STIM1: variants seen among roughly 807,000 people sequenced by gnomAD.
The protein encoded by STIM1 is stromal interaction molecule 1.
In STIM1, 25 loss-of-function variants were observed where a neutral mutation model predicts 74.7. The ratio of observed to expected loss-of-function variants is 0.33; its 90% confidence interval spans 0.24 to 0.47. The LOEUF (loss-of-function observed/expected upper bound fraction) is 0.47, where lower values mean the gene tolerates loss of function less well. Among genes scored for constraint, STIM1 ranks in the 20% least tolerant of loss-of-function variants. STIM1 has a pLI of 1.00. For missense variants in STIM1, 728 were observed against 920.8 expected (o/e 0.79, Z 2.71); for synonymous variants, 328 against 348.8 (o/e 0.94, Z 0.66).
intron 3 of STIM1, among the ~76,000 whole-genome samples, chr11:4,033,034 A>G (rs958169256): frequency 2.0e-5 from 3 of 152,050 alleles, no homozygotes; most frequent in Admixed American, 6.5e-5. Context: ...TGATTTTTGT[A>G]TAAGGTGTAA....
At chr11:3,983,527 G>C (rs2093527559) in intron 2 of STIM1, among the ~76,000 whole-genome samples, 1 of 152,144 alleles carries the variant, frequency 6.6e-6, no homozygotes, top group Non-Finnish European at 1.5e-5. Context: ...GGACAACCCT[G>C]GTGGCAATTC....
At chr11:4,059,185 G>C (rs2094312870) in intron 4 of STIM1, 96 bp from the exon 5 acceptor site, 4 of 1,085,016 alleles carry the variant, frequency 3.7e-6, no homozygotes, top group Non-Finnish European at 4.2e-6. Context: ...CAATCACCAA[G>C]AGCTAGAAGT....
At position 4,091,657 on chromosome 11, in the gene STIM1, C is replaced by G; in HGVS notation, c.2010C>G (p.Ser670Arg). The change falls in exon 13 of 13, where the codon AGC becomes AGG. Residue 670 changes from serine (S) to arginine (R), a missense_variant. By Grantham distance (110) the Ser-to-Arg change is moderately radical. This residue lies in a region of STIM1 where 352 missense variants were observed against 370.1 expected (regional missense o/e 0.95). Coordinates refer to ENST00000526596, the MANE Select transcript of STIM1 (RefSeq NM_001382567.1). ...PVGDSRALQA[S>R]RNTRIPHLAG... ...GGGACAGCCGAGCCCTGCAAGCCAG[C>G]CGAAACACACGCATTCCCCACCTGG... The G allele has an allele frequency of 6.2e-7, 1 of 1,614,232 alleles. No homozygotes were observed. The highest frequency in any genetic ancestry group is 1.1e-5 in the South Asian group (1 of 91,086).
chr11:4,053,539 C>T (rs1470625946), intron 3 of STIM1, among the ~76,000 whole-genome samples: 1 of 149,134 alleles, frequency 6.7e-6, no homozygotes, highest in Non-Finnish European at 1.5e-5. Flanking sequence ...AGTGAGAACA[C>T]TTGGACACAG....
chr11:4,058,310 T>C (rs1217815011), intron 4 of STIM1, among the ~76,000 whole-genome samples: 1 of 152,164 alleles, frequency 6.6e-6, no homozygotes, highest in Non-Finnish European at 1.5e-5. Flanking sequence ...CCACACCCCA[T>C]CACAGTGCCT....
intron 1 of STIM1, among the ~76,000 whole-genome samples, chr11:3,915,687 G>A (rs559980403): frequency 6.6e-6 from 1 of 152,176 alleles, no homozygotes; most frequent in South Asian, 2.1e-4. Flanking sequence ...ATGAGCCACC[G>A]TGCCCGGCCT....
chr11:3,920,945 G>A (rs1490478145), intron 1 of STIM1, among the ~76,000 whole-genome samples: 2 of 151,862 alleles, frequency 1.3e-5, no homozygotes, highest in Non-Finnish European at 2.9e-5. Context: ...ATAGGCACCC[G>A]CCACTACGCA....
chr11:3,864,591 A>G (rs2090778543), intron 1 of STIM1, among the ~76,000 whole-genome samples: 1 of 152,180 alleles, frequency 6.6e-6, no homozygotes, highest in African/African-American at 2.4e-5. Context: ...CCTAAGATAG[A>G]TACCTCCATC....
In STIM1 at chr11:3,860,274, G is replaced by A. The variant is rs138962135; in HGVS notation, c.139+3865G>A. On this transcript the variant is annotated intron_variant, in intron 1 of 12. Transcript: ENST00000526596. ...CTTTTTTAGAGCTTACTATATGTCA[G>A]GCACTATTTAAACATTTTGTTTTAT... Among the ~76,000 whole-genome samples, 443 of 152,240 alleles carry A rather than the reference G, an allele frequency of 2.9e-3. 2 individuals carry two copies. The highest frequency in any genetic ancestry group is 0.01 in the African/African-American group (418 of 41,520).
intron 2 of STIM1, among the ~76,000 whole-genome samples, chr11:3,990,562 T>C (rs2093600954): frequency 6.6e-6 from 1 of 152,238 alleles, no homozygotes; most frequent in Non-Finnish European, 1.5e-5. Context: ...TTTACATTCC[T>C]GCCAGCAGTG....
rs113455225 is a variant in STIM1 at position 3,994,489 on chromosome 11, C to T, written c.270+26807C>T. On this transcript the variant is annotated intron_variant, in intron 2 of 12. Coordinates refer to ENST00000526596, the MANE Select transcript of STIM1 (RefSeq NM_001382567.1). The stretch of plus-strand genomic sequence containing the variant: ...TTTTTTTTTTTTTTTGAGACATAGT[C>T]TCACTCTGTCACCCAGGCTGGAGTA... 8.9e-3 allele frequency among the ~76,000 whole-genome samples: 1,138 copies of T among 128,102 alleles called. 15 individuals carry two copies. The highest frequency in any genetic ancestry group is 0.032 in the African/African-American group (1,084 of 34,264). 84.0% of individuals were successfully genotyped at this position (128,102 alleles called of 152,430 possible).
intron 2 of STIM1, among the ~76,000 whole-genome samples, chr11:3,987,088 G>A (rs2093564609): frequency 6.6e-6 from 1 of 151,962 alleles, no homozygotes; most frequent in Non-Finnish European, 1.5e-5. Context: ...TTGACAAGGG[G>A]GCTCATATTC....
At chr11:3,935,727 A>T (rs935532687) in intron 1 of STIM1, among the ~76,000 whole-genome samples, 1 of 151,392 alleles carries the variant, frequency 6.6e-6, no homozygotes, top group Non-Finnish European at 1.5e-5. Context: ...ATGGTATTTT[A>T]TCTGGTGAAA....
At chr11:3,966,636 C>G (rs1166669259) in intron 1 of STIM1, among the ~76,000 whole-genome samples, 1 of 152,180 alleles carries the variant, frequency 6.6e-6, no homozygotes, top group Non-Finnish European at 1.5e-5. Flanking sequence ...ATTTTAGCAT[C>G]TAGGAATTGG....
chr11:4,004,371 C>A (rs1366185696), intron 2 of STIM1, among the ~76,000 whole-genome samples: 1 of 151,816 alleles, frequency 6.6e-6, no homozygotes, highest in Non-Finnish European at 1.5e-5. Context: ...CAGCATGGTA[C>A]TGGTACCAAA....
chr11:4,026,566 GC>G lies in STIM1; in HGVS notation c.385+2580del, dbSNP rs1474104797. 2.0e-5 allele frequency among the ~76,000 whole-genome samples: 3 copies of G among 152,292 alleles called. No individual in the cohort carries two copies. The East Asian group carries it at 5.8e-4, about 29-fold the overall frequency. On this transcript the variant is annotated intron_variant, in intron 3 of 12. Transcript: ENST00000526596. ...CTTCAGACATCAGCCATAATTTCAA[GC>G]TGTTCCCAGGTCACCTGCACTTCTG...
chr11:3,870,087 C>T (rs1590509675), intron 1 of STIM1, among the ~76,000 whole-genome samples: 1 of 152,130 alleles, frequency 6.6e-6, no homozygotes, highest in Non-Finnish European at 1.5e-5. Context: ...GGCTACACTC[C>T]ACAGGACTTC....
At chr11:3,960,960 C>T (rs897932929) in intron 1 of STIM1, among the ~76,000 whole-genome samples, 9 of 151,580 alleles carry the variant, frequency 5.9e-5, no homozygotes, top group African/African-American at 2.2e-4. Context: ...TAAAGAGAGC[C>T]TGGAGAGCAG....
intron 7 of STIM1, among the ~76,000 whole-genome samples, chr11:4,078,376 G>A (rs1358764163): frequency 1.3e-5 from 2 of 152,182 alleles, no homozygotes; most frequent in African/African-American, 4.8e-5. Flanking sequence ...TTCGTAGGCT[G>A]TTTTCTTTGT....
Sources: gnomAD v4.1 joint callset for allele counts (sites outside exome capture counted in the v4.1 genomes callset) on GRCh38, gnomAD v4.1.1 for gene constraint, gnomAD v4.1.1 regional missense constraint, MANE v1.5 for transcripts, NCBI Gene and HGNC (gene_info 2026-07-23, HGNC 2026-07-21) for gene names.